The following SEH1L variants were observed in gnomAD, a reference collection of about 807,000 sequenced individuals.
The protein encoded by SEH1L is nucleoporin SEH1.
In SEH1L, 18 loss-of-function variants were observed where a neutral mutation model predicts 49.5. The observed-to-expected ratio is 0.36, with a 90% CI of 0.25 to 0.54. The LOEUF is 0.54. Among genes scored for constraint, SEH1L ranks in the 20% least tolerant of loss-of-function variants. The pLI is 0.87. For missense variants in SEH1L, 404 were observed against 528.8 expected (o/e 0.76, Z 2.31); for synonymous variants, 169 against 178.1 (o/e 0.95, Z 0.41).
In SEH1L at chr18:12,984,129, C is replaced by T; in HGVS notation, c.1009C>T (p.Pro337Ser). The T allele has an allele frequency of 6.2e-7, 1 of 1,613,516 alleles. No individual in the cohort carries two copies. The highest frequency in any genetic ancestry group is 8.5e-7 in the Non-Finnish European group (1 of 1,179,446). ...GAGTTCTCAGCAGGGAACCTCAAAT[C>T]CTTCCCTAGGTTCAACTATTCCAAG... ...NGSSQQGTSN[P>S]SLGSTIPSLQ... Residue 337 changes from proline to serine, a missense_variant, in exon 8 of 9, where the codon CCT (proline) becomes TCT (serine). Transcript: ENST00000399892.
Position 12,949,719 on chromosome 18 carries a change from C to G in SEH1L, c.111+1487C>G, listed in dbSNP as rs183594597. Among the ~76,000 whole-genome samples, 612 of 152,208 alleles carry G rather than the reference C, an allele frequency of 4.0e-3. 9 individuals are homozygous for G. The highest frequency in any genetic ancestry group is 0.016 in the South Asian group (79 of 4,822). On this transcript the variant is annotated intron_variant, in intron 1 of 8. Coordinates refer to ENST00000399892, the MANE Select transcript of SEH1L (RefSeq NM_001013437.2). ...CCGCCCACCTCGGCCTCCCAAAGTGCTAGGATTACGGGCGTGAGCCACCGC... is the reference window on the plus strand; with the variant it reads ...CCGCCCACCTCGGCCTCCCAAAGTGGTAGGATTACGGGCGTGAGCCACCGC...
At chr18:12,985,835 T>C (rs1011043128) in intron 8 of SEH1L, 26 of 951,528 alleles carry the variant, frequency 2.7e-5, no homozygotes, top group Middle Eastern at 5.3e-4. Context: ...AGTGAATTAA[T>C]AAAGTAGTAA....
chr18:12,949,021 T>C (rs572994127), intron 1 of SEH1L, among the ~76,000 whole-genome samples: 168 of 150,892 alleles, frequency 1.1e-3, no homozygotes, highest in African/African-American at 3.9e-3. Flanking sequence ...GGCTAATCTT[T>C]TTTTTTTTTT....
At position 12,971,048 on chromosome 18, in the gene SEH1L, A is replaced by G; in HGVS notation, c.522-105A>G. The stretch of plus-strand genomic sequence containing the variant: ...GACCTAGATTCACTAGTAGTGTGAC[A>G]GGCTAACTGTAAGCTGGTTGTCTGC... On this transcript the variant is annotated intron_variant, in intron 4 of 8. Transcript: ENST00000399892. The G allele has an allele frequency of 4.0e-6, 3 of 741,692 alleles. 1 individual carries two copies. The South Asian group carries it at 4.6e-5, about 11-fold the overall frequency. 45.9% of individuals were successfully genotyped at this position (741,692 alleles called of 1,614,324 possible). A position where few individuals can be genotyped will look rare whatever the true frequency, so the allele number is the denominator to read the frequency against.
intron 6 of SEH1L, among the ~76,000 whole-genome samples, chr18:12,981,849 C>CTGCCCTTT (rs1467685892): frequency 9.8e-6 from 1 of 102,504 alleles, no homozygotes; most frequent in Admixed American, 1.0e-4. Flanking sequence ...CTGCCCTGCC[C>CTGCCCTTT]ATTTTTTTTT....
chr18:12,975,808 A>G, intron 5 of SEH1L: 1 of 986,020 alleles, frequency 1.0e-6, no homozygotes, highest in African/African-American at 1.7e-5. Flanking sequence ...ATGATGTGGA[A>G]TGAGGACATG....
intron 1 of SEH1L, 54 bp downstream of exon 1, chr18:12,948,286 G>T: frequency 7.6e-7 from 1 of 1,315,370 alleles, no homozygotes; most frequent in Non-Finnish European, 1.1e-6. Context: ...AAGGGGAGTG[G>T]GTGGGCGGCG....
chr18:12,955,386 T>C, intron 2 of SEH1L, 77 bp from the exon 3 acceptor site: 1 of 1,378,670 alleles, frequency 7.3e-7, no homozygotes, highest in Non-Finnish European at 9.9e-7. Flanking sequence ...TTATGAAATA[T>C]GAATAAGTAT....
chr18:12,986,626 T>A lies in SEH1L; in HGVS notation c.1071-236T>A, dbSNP rs531953368. 12 of 1,138,574 alleles carry A rather than the reference T, an allele frequency of 1.1e-5. No individual in the cohort carries two copies. The South Asian group carries it at 4.4e-4, about 42-fold the overall frequency. The allele number at this position is 1,138,574 out of a possible 1,614,324, so 70.5% of individuals were successfully genotyped here. On this transcript the variant is annotated intron_variant, in intron 8 of 8. Coordinates refer to ENST00000399892, the MANE Select transcript of SEH1L (RefSeq NM_001013437.2). The stretch of plus-strand genomic sequence containing the variant: ...AACATTTTAAGTTTAACAGATTGTA[T>A]TCCTTTCAAGTTTCTATACTTGCTT...
chr18:12,986,440 AT>A (rs1239204139), intron 8 of SEH1L: 16 of 986,124 alleles, frequency 1.6e-5, no homozygotes, highest in African/African-American at 3.5e-5. Flanking sequence ...ACTAAAAAAA[AT>A]GTGTGCTTGC....
At chr18:12,985,352 CT>C in intron 8 of SEH1L, 3 of 1,544,446 alleles carry the variant, frequency 1.9e-6, no homozygotes, top group Non-Finnish European at 2.6e-6. Context: ...GCCGTTTGAC[CT>C]CTCCCAAGAT....
chr18:12,952,010 T>G, intron 2 of SEH1L, 105 bp downstream of exon 2: 1 of 580,720 alleles, frequency 1.7e-6, no homozygotes, highest in South Asian at 2.4e-5. Flanking sequence ...ACAGTAGTTC[T>G]TTTCCTGGGA....
chr18:12,949,063 G>A (rs2030324092), intron 1 of SEH1L, among the ~76,000 whole-genome samples: 2 of 150,700 alleles, frequency 1.3e-5, no homozygotes, highest in Admixed American at 1.3e-4. Flanking sequence ...GTTTCACCAT[G>A]TGGGCCAGGC....
intron 6 of SEH1L, among the ~76,000 whole-genome samples, chr18:12,979,750 A>C (rs1401785594): frequency 9.2e-6 from 1 of 109,164 alleles, no homozygotes; most frequent in Non-Finnish European, 1.9e-5. Flanking sequence ...CGGGGGGCTG[A>C]CCCCCCCACC....
At chr18:12,977,934 T>C (rs1019183957) in intron 5 of SEH1L, 1 of 152,278 alleles carries the variant, frequency 6.6e-6, no homozygotes, top group Non-Finnish European at 1.5e-5. Flanking sequence ...GCTCAAGCCA[T>C]CCTCCCACCT....
intron 2 of SEH1L, among the ~76,000 whole-genome samples, chr18:12,954,400 G>A (rs80161796): frequency 0.02 from 3,022 of 152,280 alleles, 76 homozygotes; most frequent in African/African-American, 0.051. Flanking sequence ...TCGATAGACT[G>A]TATTGTCAGT....
At chr18:12,982,440 T>TAC in intron 6 of SEH1L, 78 bp from the exon 7 acceptor site, 1 of 968,968 alleles carries the variant, frequency 1.0e-6, no homozygotes, top group Admixed American at 2.6e-5. Context: ...TTTACGTGTG[T>TAC]ATATATATAT....
intron 2 of SEH1L, among the ~76,000 whole-genome samples, chr18:12,952,491 A>G (rs1225798908): frequency 1.3e-5 from 2 of 152,024 alleles, no homozygotes; most frequent in African/African-American, 2.4e-5. Flanking sequence ...CGGCCTCCCA[A>G]AGTGCTGGGT....
chr18:12,956,895 G>A (rs1416570981), intron 3 of SEH1L, among the ~76,000 whole-genome samples: 4 of 152,034 alleles, frequency 2.6e-5, no homozygotes, highest in Non-Finnish European at 5.9e-5. Flanking sequence ...GTGAAACCCT[G>A]TCTCTACTAA....
Sources: allele counts gnomAD v4.1 joint callset (sites outside exome capture counted in the v4.1 genomes callset), GRCh38; gene constraint gnomAD v4.1.1; transcripts MANE v1.5; gene names NCBI Gene and HGNC (gene_info 2026-07-23, HGNC 2026-07-21).